KCNQ5: variants seen among roughly 807,000 people sequenced by gnomAD.
KCNQ5 encodes the protein potassium voltage-gated channel subfamily Q member 5, also known as potassium voltage-gated channel subfamily KQT member 5.
KCNQ5 carries 30 observed loss-of-function variants against 98.2 expected under a neutral mutation model. That is an observed-to-expected ratio of 0.31 (90% CI 0.23 to 0.41). The LOEUF (loss-of-function observed/expected upper bound fraction) is 0.41, where lower values mean the gene tolerates loss of function less well. Ranked by LOEUF, KCNQ5 falls within the 10% of genes least tolerant of loss-of-function variation. KCNQ5 has a pLI of 1.00. For missense variants in KCNQ5, 835 were observed against 1,182.5 expected (o/e 0.71, Z 4.31); for synonymous variants, 458 against 449.4 (o/e 1.02, Z -0.24).
At chr6:72,625,977 TATC>T (rs1435237473) in intron 1 of KCNQ5, among the ~76,000 whole-genome samples, 3 of 152,374 alleles carry the variant, frequency 2.0e-5, no homozygotes, top group East Asian at 3.9e-4. Context: ...ATGCAAATCT[TATC>T]ATATCATCCC....
At chr6:73,097,822 T>C (rs934095248) in intron 5 of KCNQ5, among the ~76,000 whole-genome samples, 2 of 152,218 alleles carry the variant, frequency 1.3e-5, no homozygotes, top group African/African-American at 4.8e-5. Flanking sequence ...GGGTACCCCT[T>C]AATGCAGAAA....
intron 1 of KCNQ5, among the ~76,000 whole-genome samples, chr6:72,722,733 T>A (rs1770035367): frequency 6.6e-6 from 1 of 152,152 alleles, no homozygotes; most frequent in African/African-American, 2.4e-5. Flanking sequence ...TATTAATATG[T>A]TCATGTTTCT....
At chr6:72,804,995 C>T (rs1013281459) in intron 1 of KCNQ5, among the ~76,000 whole-genome samples, 1 of 152,002 alleles carries the variant, frequency 6.6e-6, no homozygotes, top group African/African-American at 2.4e-5. Context: ...GATTTTTGCC[C>T]GTTTTAAAAT....
At chr6:73,092,119 TG>T (rs1397238060) in intron 5 of KCNQ5, among the ~76,000 whole-genome samples, 1 of 151,824 alleles carries the variant, frequency 6.6e-6, no homozygotes, top group Non-Finnish European at 1.5e-5. Flanking sequence ...CGTTTTGTTT[TG>T]TTTTTTTGTT....
chr6:72,920,523 C>T (rs1780346085), intron 1 of KCNQ5, among the ~76,000 whole-genome samples: 1 of 152,098 alleles, frequency 6.6e-6, no homozygotes, highest in South Asian at 2.1e-4. Flanking sequence ...TAATAGGTGG[C>T]CATTAAAGCC....
At chr6:73,163,611 G>T (rs1777692636) in intron 10 of KCNQ5, among the ~76,000 whole-genome samples, 1 of 152,184 alleles carries the variant, frequency 6.6e-6, no homozygotes, top group Non-Finnish European at 1.5e-5. Flanking sequence ...AGCTGGGCAT[G>T]GTGGCAGGCA....
At chr6:73,046,906 G>T (rs372542597) in intron 3 of KCNQ5, among the ~76,000 whole-genome samples, 3 of 152,134 alleles carry the variant, frequency 2.0e-5, no homozygotes, top group Non-Finnish European at 1.5e-5. Flanking sequence ...GCGTCCCAAA[G>T]TGCTGGTATT....
At chr6:72,629,689 C>A (rs955162724) in intron 1 of KCNQ5, among the ~76,000 whole-genome samples, 2 of 152,190 alleles carry the variant, frequency 1.3e-5, no homozygotes, top group African/African-American at 2.4e-5. Context: ...CATGTTTTAT[C>A]CTAGCCCAAT....
intron 1 of KCNQ5, among the ~76,000 whole-genome samples, chr6:72,626,424 A>T (rs954215690): frequency 1.3e-5 from 2 of 152,226 alleles, no homozygotes; most frequent in Non-Finnish European, 2.9e-5. Context: ...AAGTATTTTC[A>T]GGGTGAGGAA....
At chr6:72,823,221 A>G (rs1423733228) in intron 1 of KCNQ5, among the ~76,000 whole-genome samples, 6 of 152,152 alleles carry the variant, frequency 3.9e-5, no homozygotes, top group Admixed American at 3.9e-4. Context: ...TAATATTTTT[A>G]TTAAGACAAG....
At chr6:72,692,637 G>C (rs1007876396) in intron 1 of KCNQ5, among the ~76,000 whole-genome samples, 5 of 152,180 alleles carry the variant, frequency 3.3e-5, no homozygotes, top group Non-Finnish European at 5.9e-5. Context: ...GCTAGGAATG[G>C]GCTCTGCAGG....
rs1771573199 is a variant in KCNQ5 at position 73,039,047 on chromosome 6, A to AT, written c.490-2886dup. The stretch of plus-strand genomic sequence containing the variant: ...GGTTATAGGGCTACCTAGATTGTCT[A>AT]TTTCTTCTTTGTTGAGTTTTGGTAG... On this transcript the variant is annotated intron_variant, in intron 2 of 13. Coordinates refer to ENST00000370398, the MANE Select transcript of KCNQ5 (RefSeq NM_019842.4). 2.6e-5 allele frequency among the ~76,000 whole-genome samples: 4 copies of AT among 152,008 alleles called. No individual in the cohort carries two copies. The South Asian group carries it at 6.2e-4, about 24-fold the overall frequency.
At chr6:72,677,105 A>C (rs183724496) in intron 1 of KCNQ5, 3 of 152,192 alleles carry the variant, frequency 2.0e-5, no homozygotes, top group Non-Finnish European at 4.4e-5. Context: ...TGGGTCAACC[A>C]AAACCGCATG....
intron 11 of KCNQ5, among the ~76,000 whole-genome samples, chr6:73,185,710 G>T (rs1233966343): frequency 6.6e-6 from 1 of 152,194 alleles, no homozygotes; most frequent in East Asian, 1.9e-4. Context: ...GCTTCTAGGA[G>T]TTTGATGTTT....
intron 1 of KCNQ5, among the ~76,000 whole-genome samples, chr6:72,703,829 T>G (rs995117416): frequency 1.3e-5 from 2 of 152,208 alleles, no homozygotes; most frequent in African/African-American, 4.8e-5. Flanking sequence ...TGAAGACATT[T>G]GATATATTTG....
chr6:73,138,462 A>C (rs755395593), intron 10 of KCNQ5, among the ~76,000 whole-genome samples: 2 of 152,234 alleles, frequency 1.3e-5, no homozygotes, highest in Non-Finnish European at 2.9e-5. Context: ...GTGAAGGAGA[A>C]GGACGTAGCT....
chr6:72,950,232 G>A (rs1766735362), intron 1 of KCNQ5, among the ~76,000 whole-genome samples: 1 of 152,118 alleles, frequency 6.6e-6, no homozygotes, highest in Admixed American at 6.5e-5. Context: ...TAACATAACT[G>A]GTAGCGTATT....
intron 12 of KCNQ5, among the ~76,000 whole-genome samples, chr6:73,191,083 C>G (rs938003930): frequency 6.6e-6 from 1 of 152,210 alleles, no homozygotes; most frequent in South Asian, 2.1e-4. Flanking sequence ...CCTAAATTAT[C>G]TAAATTCCAT....
At chr6:73,092,973 A>C (rs973805337) in intron 5 of KCNQ5, among the ~76,000 whole-genome samples, 12 of 152,090 alleles carry the variant, frequency 7.9e-5, no homozygotes, top group Non-Finnish European at 1.8e-4. Flanking sequence ...AATAGTGTCA[A>C]TAGGACTGGT....
Sources: gnomAD v4.1 joint callset for allele counts (sites outside exome capture counted in the v4.1 genomes callset) on GRCh38, gnomAD v4.1.1 for gene constraint, MANE v1.5 for transcripts, NCBI Gene and HGNC (gene_info 2026-07-23, HGNC 2026-07-21) for gene names.